Variants in ANO3 observed in about 807,000 individuals in gnomAD.
ANO3 encodes anoctamin 3.
In ANO3, 99 loss-of-function variants were observed where a neutral mutation model predicts 144.8. The ratio of observed to expected loss-of-function variants is 0.68; its 90% CI spans 0.58 to 0.81. The LOEUF (loss-of-function observed/expected upper bound fraction) is 0.81. ANO3 is among the 30% of genes least tolerant of loss of function. ANO3 has a pLI of 0.00. For missense variants in ANO3, 905 were observed against 1,202.2 expected (o/e 0.75, Z 3.66); for synonymous variants, 414 against 392.6 (o/e 1.05, Z -0.64).
chr11:26,259,289 A>G (rs779233835), intron 1 of ANO3, among the ~76,000 whole-genome samples: 44 of 152,272 alleles, frequency 2.9e-4, no homozygotes, highest in Admixed American at 2.8e-3. Context: ...TTGTGTGTAT[A>G]TATCTCTCTC....
intron 1 of ANO3, among the ~76,000 whole-genome samples, chr11:26,263,556 A>G (rs993227728): frequency 3.3e-5 from 5 of 152,150 alleles, no homozygotes; most frequent in South Asian, 4.1e-4. Context: ...CTGCTTTTCC[A>G]CAGCCTCAGT....
rs895987902 is a variant in ANO3, at chr11:26,332,200, G to A, written c.-76G>A. 103 of 1,613,430 alleles carry A rather than the reference G, an allele frequency of 6.4e-5. 3 individuals carry two copies. The South Asian group carries it at 1.1e-3, about 17-fold the overall frequency. ...TCGCTGAGGCTCCGGACCTTGGAGC[G>A]TCTAGAGTCTGGCTACTGTTCCTCC... On this transcript the variant is annotated 5_prime_UTR_variant, in exon 1 of 27. Coordinates refer to ENST00000256737, the MANE Select transcript of ANO3 (RefSeq NM_031418.4).
chr11:26,465,154 GTGTGTGTC>G (rs778815635), intron 4 of ANO3, among the ~76,000 whole-genome samples: 9,779 of 143,514 alleles, frequency 0.068, 490 homozygotes, highest in African/African-American at 0.15. Flanking sequence ...GTGTGTGTGT[GTGTGTGTC>G]TGTGTGTGAA....
intron 6 of ANO3, among the ~76,000 whole-genome samples, chr11:26,517,147 C>T (rs886752660): frequency 6.6e-6 from 1 of 151,866 alleles, no homozygotes; most frequent in African/African-American, 2.4e-5. Flanking sequence ...GGTGGACCTG[C>T]CTAGTGGGAG....
At chr11:26,323,852 C>T (rs1365481040) in intron 1 of ANO3, among the ~76,000 whole-genome samples, 4 of 151,924 alleles carry the variant, frequency 2.6e-5, no homozygotes, top group Non-Finnish European at 5.9e-5. Flanking sequence ...ATAATAATAC[C>T]CTTTGTGACA....
At chr11:26,528,335 A>T (rs1442277418) in intron 7 of ANO3, among the ~76,000 whole-genome samples, 1 of 152,132 alleles carries the variant, frequency 6.6e-6, no homozygotes, top group African/African-American at 2.4e-5. Flanking sequence ...GTGGTATTCA[A>T]ATTTAGGCCA....
chr11:26,621,964 G>A (rs1211493062), intron 17 of ANO3, among the ~76,000 whole-genome samples: 2 of 152,032 alleles, frequency 1.3e-5, no homozygotes, highest in African/African-American at 4.8e-5. Flanking sequence ...ACACACAAAT[G>A]TACACACTCA....
At chr11:26,330,106 G>A (rs1307790935), upstream of ANO3, among the ~76,000 whole-genome samples, 1 of 152,044 alleles carries the variant, frequency 6.6e-6, no homozygotes, top group Non-Finnish European at 1.5e-5. Flanking sequence ...AGATCTACAG[G>A]GGTCATAACT....
chr11:26,309,747 G>A (rs927113513), intron 1 of ANO3: 3 of 968,370 alleles, frequency 3.1e-6, no homozygotes, highest in Non-Finnish European at 3.7e-6. Context: ...TGTTTCAAGA[G>A]CTCCCACCAA....
chr11:26,386,172 G>A (rs959188703), intron 1 of ANO3, among the ~76,000 whole-genome samples: 6 of 151,964 alleles, frequency 3.9e-5, no homozygotes, highest in Non-Finnish European at 8.8e-5. Flanking sequence ...CATATAAAAC[G>A]GACACAGGCC....
chr11:26,337,889 T>C (rs1336116323), intron 1 of ANO3, among the ~76,000 whole-genome samples: 1 of 151,986 alleles, frequency 6.6e-6, no homozygotes, highest in Non-Finnish European at 1.5e-5. Flanking sequence ...GAGCCGAGAT[T>C]GCACCACTGC....
rs1293319521 is a variant in ANO3 at position 26,407,072 on chromosome 11, GTGTGTA to G, written c.47-34844_47-34839del. The stretch of plus-strand genomic sequence containing the variant: ...GGTGTGTGTGTGTGTGTGTGTGTGT[GTGTGTA>G]TATATATATATATATGTATATATAT... On this transcript the variant is annotated intron_variant, in intron 1 of 26. Coordinates refer to ENST00000256737, the MANE Select transcript of ANO3 (RefSeq NM_031418.4). 4.5e-4 allele frequency among the ~76,000 whole-genome samples: 46 copies of G among 101,464 alleles called. 1 individual carries two copies. In the East Asian group the frequency reaches 9.2e-3, roughly 20 times the overall value. 66.6% of individuals were successfully genotyped at this position (101,464 alleles called of 152,430 possible).
intron 1 of ANO3, among the ~76,000 whole-genome samples, chr11:26,262,867 C>A (rs1853222687): frequency 6.6e-6 from 1 of 152,128 alleles, no homozygotes; most frequent in Non-Finnish European, 1.5e-5. Context: ...TCTTGGGCTT[C>A]TCAGCTTTCA....
chr11:26,452,281 C>T (rs181828051), intron 3 of ANO3, among the ~76,000 whole-genome samples: 1,771 of 151,952 alleles, frequency 0.012, 17 homozygotes, highest in Non-Finnish European at 0.019. Flanking sequence ...GATCAAACTA[C>T]GAGCTACAGG....
chr11:26,314,546 C>G (rs974683481), intron 1 of ANO3, among the ~76,000 whole-genome samples: 1 of 152,064 alleles, frequency 6.6e-6, no homozygotes, highest in Non-Finnish European at 1.5e-5. Flanking sequence ...AGGCAGTGCC[C>G]TATGATTATA....
At chr11:26,541,852 T>A (rs1374521474) in intron 10 of ANO3, 95 bp from the exon 11 acceptor site, 1 of 1,191,498 alleles carries the variant, frequency 8.4e-7, no homozygotes, top group Non-Finnish European at 1.1e-6. Context: ...TTTCAATAAG[T>A]TGTTAAATTA....
At chr11:26,638,787 A>C (rs1463451943) in intron 20 of ANO3, among the ~76,000 whole-genome samples, 1 of 152,230 alleles carries the variant, frequency 6.6e-6, no homozygotes, top group African/African-American at 2.4e-5. Context: ...TATTATAAAC[A>C]TTATGCCATA....
chr11:26,286,353 G>A (rs1228074313), intron 1 of ANO3, among the ~76,000 whole-genome samples: 3 of 152,168 alleles, frequency 2.0e-5, no homozygotes, highest in Non-Finnish European at 4.4e-5. Context: ...TAGTTCAGGG[G>A]TCTGAATTCT....
At chr11:26,252,627 T>C (rs1243166020) in intron 1 of ANO3, among the ~76,000 whole-genome samples, 1 of 152,196 alleles carries the variant, frequency 6.6e-6, no homozygotes, top group Non-Finnish European at 1.5e-5. Flanking sequence ...GGTTCTTTCA[T>C]AGAGACTTAA....
Sources: allele counts gnomAD v4.1 joint callset (sites outside exome capture counted in the v4.1 genomes callset), GRCh38; gene constraint gnomAD v4.1.1; transcripts MANE v1.5; gene names NCBI Gene and HGNC (gene_info 2026-07-23, HGNC 2026-07-21).